Variants in SGCZ observed in about 807,000 individuals in gnomAD.
SGCZ encodes the protein zeta-sarcoglycan.
A neutral mutation model predicts 41.3 loss-of-function variants in SGCZ; 40 were observed. The observed-to-expected ratio is 0.97, with a 90% CI of 0.75 to 1.26. The LOEUF is 1.26. Among genes scored for constraint, SGCZ ranks in the 50% most tolerant of loss-of-function variants. The pLI is 0.00. For missense variants in SGCZ, 552 were observed against 369.8 expected (o/e 1.49, Z -4.04); for synonymous variants, 206 against 137.5 (o/e 1.50, Z -3.49).
chr8:14,510,153 T>C (rs1355810776), intron 2 of SGCZ, among the ~76,000 whole-genome samples: 1 of 152,168 alleles, frequency 6.6e-6, no homozygotes, highest in Non-Finnish European at 1.5e-5. Context: ...CAGAAAAATA[T>C]AATTTCGTAT....
In SGCZ at chr8:14,126,470, A is replaced by AAACAAAACAC. The variant is rs376463200; in HGVS notation, c.548-18236_548-18235insGTGTTTTGTT. ...CAGAATGGCTATTATTAAAAAGTAA[A>AAACAAAACAC]AACAAAACAAAACAAAACAAGATGC... is the stretch of plus-strand genomic sequence containing the variant. On this transcript the variant is annotated intron_variant, in intron 5 of 7. Transcript: ENST00000382080. Among the ~76,000 whole-genome samples the AAACAAAACAC allele has an allele frequency of 6.2e-3, 947 of 151,674 alleles. 7 individuals carry two copies. The highest frequency in any genetic ancestry group is 0.022 in the African/African-American group (901 of 41,394).
intron 2 of SGCZ, among the ~76,000 whole-genome samples, chr8:14,334,221 C>A (rs1028336999): frequency 6.6e-6 from 1 of 152,040 alleles, no homozygotes; most frequent in Non-Finnish European, 1.5e-5. Flanking sequence ...ATAGGAATTT[C>A]TTCTAGACTC....
intron 3 of SGCZ, among the ~76,000 whole-genome samples, chr8:14,277,273 T>C (rs1214887132): frequency 6.6e-6 from 1 of 152,314 alleles, no homozygotes; most frequent in East Asian, 1.9e-4. Flanking sequence ...TGTTCAACCA[T>C]GAAGAGATTG....
At chr8:14,296,243 C>T (rs1204114815) in intron 3 of SGCZ, among the ~76,000 whole-genome samples, 5 of 152,250 alleles carry the variant, frequency 3.3e-5, no homozygotes, top group Non-Finnish European at 7.4e-5. Context: ...TGACTCTTAA[C>T]ATCACAGTAC....
intron 1 of SGCZ, among the ~76,000 whole-genome samples, chr8:14,909,736 T>C (rs1008069915): frequency 1.3e-5 from 2 of 152,112 alleles, no homozygotes; most frequent in African/African-American, 4.8e-5. Context: ...TTTGGAGATG[T>C]TTATTCAGCT....
intron 2 of SGCZ, among the ~76,000 whole-genome samples, chr8:14,352,639 T>C (rs1803143664): frequency 6.6e-6 from 1 of 152,104 alleles, no homozygotes; most frequent in Non-Finnish European, 1.5e-5. Context: ...AACAAGCCCG[T>C]AGAGCTTGTT....
chr8:14,312,347 C>CT (rs143473655), intron 3 of SGCZ, among the ~76,000 whole-genome samples: 10,160 of 152,176 alleles, frequency 0.067, 388 homozygotes, highest in Middle Eastern at 0.099. Context: ...TTTAGTAAAT[C>CT]TTTCTCTTCA....
At chr8:14,472,671 T>C (rs529582959) in intron 2 of SGCZ, among the ~76,000 whole-genome samples, 1 of 152,142 alleles carries the variant, frequency 6.6e-6, no homozygotes, top group East Asian at 1.9e-4. Flanking sequence ...AAAGGCAACA[T>C]GTATTGCCCT....
chr8:15,063,377 T>A (rs901433047), intron 1 of SGCZ, among the ~76,000 whole-genome samples: 1 of 152,136 alleles, frequency 6.6e-6, no homozygotes, highest in Non-Finnish European at 1.5e-5. Context: ...TTTAAAAAGG[T>A]GGTCTACATG....
chr8:14,294,179 T>C (rs967239121), intron 3 of SGCZ, among the ~76,000 whole-genome samples: 10 of 151,890 alleles, frequency 6.6e-5, no homozygotes, highest in Non-Finnish European at 1.2e-4. Context: ...GACTAAAAAC[T>C]CTCCACTTAT....
intron 1 of SGCZ, among the ~76,000 whole-genome samples, chr8:15,112,618 T>C (rs575984945): frequency 8.7e-4 from 133 of 152,288 alleles, no homozygotes; most frequent in African/African-American, 2.8e-3. Context: ...TCACTTCTCA[T>C]CACTTGTGAT....
chr8:14,292,685 T>C (rs1181261527), intron 3 of SGCZ, among the ~76,000 whole-genome samples: 1 of 152,028 alleles, frequency 6.6e-6, no homozygotes, highest in Non-Finnish European at 1.5e-5. Context: ...AAATTCTGGA[T>C]CTACCACTTT....
intron 2 of SGCZ, among the ~76,000 whole-genome samples, chr8:14,367,719 C>G (rs1490879212): frequency 6.6e-6 from 1 of 152,026 alleles, no homozygotes; most frequent in Non-Finnish European, 1.5e-5. Context: ...ACGGGAATAT[C>G]AAGGGGAAAC....
intron 1 of SGCZ, among the ~76,000 whole-genome samples, chr8:14,644,386 G>A (rs1807137644): frequency 1.3e-5 from 2 of 151,798 alleles, no homozygotes; most frequent in African/African-American, 2.4e-5. Flanking sequence ...CCAGCAAGCT[G>A]CCCTGCAGAA....
chr8:14,818,011 G>C lies in SGCZ; in HGVS notation c.40-263085C>G, dbSNP rs141089504. 2.5e-3 allele frequency among the ~76,000 whole-genome samples: 386 copies of C among 152,246 alleles called. 2 individuals carry two copies. The highest frequency in any genetic ancestry group is 8.9e-3 in the African/African-American group (369 of 41,558). On this transcript the variant is annotated intron_variant, in intron 1 of 7. Coordinates refer to ENST00000382080, the MANE Select transcript of SGCZ (RefSeq NM_139167.4). ...GCAGGTACATTTACTTATCCCAATA[G>C]TCTGTATGACAGCAATTCTGACTCT...
chr8:14,313,910 C>CTCTGTGTGTGTGTGTGTGTGTGTG (rs148519698), intron 3 of SGCZ, among the ~76,000 whole-genome samples: 1 of 144,804 alleles, frequency 6.9e-6, no homozygotes, highest in Non-Finnish European at 1.5e-5. Context: ...TATCATCTCT[C>CTCTGTGTGTGTGTGTGTGTGTGTG]TGTGTGTGTG....
At chr8:15,044,547 T>G (rs955417653) in intron 1 of SGCZ, among the ~76,000 whole-genome samples, 1 of 152,158 alleles carries the variant, frequency 6.6e-6, no homozygotes, top group Non-Finnish European at 1.5e-5. Context: ...ACTTCAAAGA[T>G]TTCTGAAAAT....
chr8:14,207,827 T>G (rs1465052227), intron 4 of SGCZ, among the ~76,000 whole-genome samples: 2 of 152,192 alleles, frequency 1.3e-5, no homozygotes, highest in African/African-American at 4.8e-5. Flanking sequence ...AAAGCTCATA[T>G]CATTTTGCAT....
intron 2 of SGCZ, among the ~76,000 whole-genome samples, chr8:14,407,691 G>C (rs542139071): frequency 6.6e-6 from 1 of 152,074 alleles, no homozygotes; most frequent in Non-Finnish European, 1.5e-5. Flanking sequence ...ACTGAGAAAG[G>C]CTGTCAATAT....
Sources: gnomAD v4.1 joint callset for allele counts (sites outside exome capture counted in the v4.1 genomes callset) on GRCh38, gnomAD v4.1.1 for gene constraint, MANE v1.5 for transcripts, NCBI Gene and HGNC (gene_info 2026-07-23, HGNC 2026-07-21) for gene names.